ZIM2: variants seen among roughly 807,000 people sequenced by gnomAD.
The protein encoded by ZIM2 is zinc finger protein 656.
A neutral mutation model predicts 38.6 loss-of-function variants in ZIM2; 14 were observed. The ratio of observed to expected loss-of-function variants is 0.36; its 90% CI spans 0.24 to 0.57. The LOEUF is 0.57. ZIM2 is among the 20% of genes least tolerant of loss of function. ZIM2 has a pLI of 0.81. For missense variants in ZIM2, 680 were observed against 695.1 expected, an observed-to-expected ratio of 0.98 and a Z score of 0.24; for synonymous variants, 247 against 245.8, an observed-to-expected ratio of 1.00 and a Z score of -0.04.
intron 1 of ZIM2, among the ~76,000 whole-genome samples, chr19:56,840,033 G>A (rs560646957): frequency 2.6e-5 from 4 of 152,292 alleles, no homozygotes; most frequent in African/African-American, 7.2e-5. Context: ...AACAAGCCCC[G>A]CCCCCAGAGG....
chr19:56,815,981 C>T, intron 9 of ZIM2: 3 of 1,583,828 alleles, frequency 1.9e-6, no homozygotes, highest in Non-Finnish European at 2.6e-6. Context: ...GTGTTCCCTC[C>T]AGCACGAACT....
intron 2 of ZIM2, among the ~76,000 whole-genome samples, chr19:56,832,053 G>A (rs950262608): frequency 3.9e-5 from 6 of 152,104 alleles, no homozygotes; most frequent in Non-Finnish European, 8.8e-5. Flanking sequence ...ACATAAACTT[G>A]TATTAAGACT....
At chr19:56,811,525 T>C in intron 9 of ZIM2, 2 of 985,338 alleles carry the variant, frequency 2.0e-6, no homozygotes, top group South Asian at 4.7e-5. Context: ...TACCATTTGT[T>C]ACTACCTTTT....
At chr19:56,807,973 A>C (rs1290782368) in intron 9 of ZIM2, among the ~76,000 whole-genome samples, 1 of 152,130 alleles carries the variant, frequency 6.6e-6, no homozygotes, top group Non-Finnish European at 1.5e-5. Flanking sequence ...ATCAAAGAAG[A>C]CTTGTTAATC....
At chr19:56,836,240 CCAT>C (rs1177868936) in intron 1 of ZIM2, 136 bp from the exon 2 acceptor site, 4 of 360,718 alleles carry the variant, frequency 1.1e-5, no homozygotes, top group Non-Finnish European at 2.2e-5. Flanking sequence ...GAAAAGCATC[CCAT>C]CCAGGATGAA....
At chr19:56,824,914 G>C in intron 3 of ZIM2, 1 of 424,516 alleles carries the variant, frequency 2.4e-6, no homozygotes, top group Non-Finnish European at 4.2e-6. Flanking sequence ...ATGACCTCTG[G>C]GCTTCACAGA....
At chr19:56,817,948 T>A (rs1256372950) in intron 8 of ZIM2, 110 bp from the exon 9 acceptor site, 5 of 765,330 alleles carry the variant, frequency 6.5e-6, no homozygotes, top group Non-Finnish European at 1.1e-5. Context: ...GTGGCCCACA[T>A]CTGATTCCTT....
intron 2 of ZIM2, among the ~76,000 whole-genome samples, chr19:56,832,069 T>A (rs985546777): frequency 6.6e-6 from 1 of 152,238 alleles, no homozygotes; most frequent in Non-Finnish European, 1.5e-5. Flanking sequence ...AGACTATTCA[T>A]AAAATAGAGG....
intron 8 of ZIM2, among the ~76,000 whole-genome samples, chr19:56,818,303 T>A (rs1358667833): frequency 6.6e-6 from 1 of 152,168 alleles, no homozygotes. Flanking sequence ...ATCCTGAATG[T>A]CTACTTAAAA....
intron 9 of ZIM2, chr19:56,816,542 C>T (rs202081125): frequency 3.1e-6 from 5 of 1,613,920 alleles, no homozygotes; most frequent in African/African-American, 1.3e-5. Flanking sequence ...AGGAAAGTCT[C>T]CCCACACACC....
At chr19:56,810,186 A>G (rs2048022344) in intron 9 of ZIM2, 2 of 980,638 alleles carry the variant, frequency 2.0e-6, no homozygotes, top group East Asian at 1.1e-4. Context: ...TGAAGAAAAT[A>G]TATCAAGATG....
intron 9 of ZIM2, among the ~76,000 whole-genome samples, chr19:56,804,320 A>C (rs923187142): frequency 1.3e-5 from 2 of 152,222 alleles, no homozygotes; most frequent in Non-Finnish European, 2.9e-5. Flanking sequence ...CAGGTGGCAA[A>C]GGTGCTATTA....
At chr19:56,779,503 T>G (rs768988066) in intron 11 of ZIM2, 31 bp from the exon 12 acceptor site, 2 of 1,605,124 alleles carry the variant, frequency 1.2e-6, no homozygotes, top group African/African-American at 2.7e-5. Flanking sequence ...GAACTCAGGG[T>G]TTCAGTAACT....
intron 9 of ZIM2, among the ~76,000 whole-genome samples, chr19:56,802,743 T>C (rs1289509441): frequency 6.6e-6 from 1 of 152,222 alleles, no homozygotes; most frequent in African/African-American, 2.4e-5. Context: ...ATTTACTGTG[T>C]TGACCCAGGT....
chr19:56,821,754 C>A lies in ZIM2; in HGVS notation c.191G>T (p.Arg64Met). 1 of 1,613,764 alleles carries A rather than the reference C, an allele frequency of 6.2e-7. No homozygotes were observed. Residue 64 changes from arginine (R) to methionine (M), a missense_variant and splice_region_variant, in exon 7 of 13, where the codon AGG becomes ATG. Transcript: ENST00000629319. ...AAGGGAAAGATCCCGCGGAGGCATC[C>A]CTGGGAAGAAAAAAGGCATCAACAA... is the stretch of plus-strand genomic sequence containing the variant. ...RWSHTRNPRS[R>M]MPPRDLSLPV...
chr19:56,829,341 C>G (rs1324055033), intron 2 of ZIM2, among the ~76,000 whole-genome samples: 1 of 115,788 alleles, frequency 8.6e-6, no homozygotes. Flanking sequence ...GAGACTCCAT[C>G]TCAAAAAAAA....
chr19:56,790,630 G>T (rs2046882292), intron 9 of ZIM2, among the ~76,000 whole-genome samples: 1 of 152,184 alleles, frequency 6.6e-6, no homozygotes, highest in South Asian at 2.1e-4. Flanking sequence ...CATGAGTAGT[G>T]ATGCTAACCT....
intron 9 of ZIM2, chr19:56,815,236 T>C: frequency 6.2e-7 from 1 of 1,614,172 alleles, no homozygotes; most frequent in Non-Finnish European, 8.5e-7. Flanking sequence ...CTCCTCCCCA[T>C]CAGTATTCTC....
In ZIM2 at chr19:56,775,022, C is replaced by CA; in HGVS notation, c.1342dup (p.Cys448LeufsTer19). On this transcript the variant is annotated frameshift_variant, in exon 13 of 13. Coordinates refer to ENST00000629319, the MANE Select transcript of ZIM2 (RefSeq NM_001387356.1). LOFTEE classifies it low-confidence loss of function (END_TRUNC). ...CACATTCTGGAGAAAAGCTTTGCCGCACTGAAAACATTCAAAGTAGTCCTC... is the reference window on the plus strand; with the variant it reads ...CACATTCTGGAGAAAAGCTTTGCCGCAACTGAAAACATTCAAAGTAGTCCTC... 6.2e-7 allele frequency: 1 copy of CA among 1,614,088 alleles called. No individual in the cohort carries two copies.
Sources: allele counts gnomAD v4.1 joint callset (sites outside exome capture counted in the v4.1 genomes callset), GRCh38; gene constraint gnomAD v4.1.1; transcripts MANE v1.5; gene names NCBI Gene and HGNC (gene_info 2026-07-23, HGNC 2026-07-21).